SLF1: variants seen among roughly 807,000 people sequenced by gnomAD.
The protein encoded by SLF1 is SMC5/6 complex localization factor 1, also known as SMC5-SMC6 complex localization factor protein 1.
Under a neutral mutation model 123.0 loss-of-function variants are expected in SLF1, and 105 were observed. That is an observed-to-expected ratio of 0.85 (90% CI 0.73 to 1.00). The LOEUF is 1.00. Among genes scored for constraint, SLF1 ranks in the 50% least tolerant of loss-of-function variants. The pLI, the probability that SLF1 is intolerant of heterozygous loss-of-function variation, is 0.00. For missense variants in SLF1, 1,239 were observed against 1,223.0 expected (o/e 1.01, Z -0.20); for synonymous variants, 434 against 406.6 (o/e 1.07, Z -0.81).
intron 20 of SLF1, among the ~76,000 whole-genome samples, chr5:94,693,475 G>A (rs1019477952): frequency 3.3e-5 from 5 of 151,958 alleles, no homozygotes; most frequent in African/African-American, 1.2e-4. Flanking sequence ...TTTTTCTAGG[G>A]CTCTTAGTGG....
In SLF1 at chr5:94,686,581, T is replaced by G. The variant is rs751319745; in HGVS notation, c.1984T>G (p.Ser662Ala). The G allele has an allele frequency of 6.2e-7, 1 of 1,613,860 alleles. No homozygotes were observed. Among genetic ancestry groups the G allele is most frequent in the East Asian group, 2.2e-5 (1 of 44,850 alleles). Residue 662 changes from serine to alanine, a missense_variant, in exon 16 of 21, where the codon TCA (serine) becomes GCA (alanine). By Grantham distance (99) the Ser-to-Ala change is moderately conservative. Transcript: ENST00000265140. ...YVSLSCDDFS[S>A]QELEIFICSF... ...TACCTTATGTTCTCCAGACTTTTCT[T>G]CACAGGAATTAGAGATTTTCATTTG... is the stretch of plus-strand genomic sequence containing the variant.
intron 11 of SLF1, 81 bp downstream of exon 11, chr5:94,663,989 A>G: frequency 7.6e-7 from 1 of 1,323,448 alleles, no homozygotes. Context: ...TTGTATGTTT[A>G]CAGTTTATTT....
intron 4 of SLF1, among the ~76,000 whole-genome samples, chr5:94,636,300 T>G (rs897362355): frequency 1.3e-5 from 2 of 152,214 alleles, no homozygotes; most frequent in Admixed American, 6.5e-5. Context: ...CCACGATGCT[T>G]CTTGTCCCTG....
At chr5:94,671,029 G>GACTATTCATCT in intron 14 of SLF1, 21 bp downstream of exon 14, 1 of 1,457,880 alleles carries the variant, frequency 6.9e-7, no homozygotes, top group Non-Finnish European at 9.3e-7. Flanking sequence ...TTAATTTATA[G>GACTATTCATCT]ATGAATAGTC....
chr5:94,689,805 ATAGAG>A (rs772957257), intron 18 of SLF1, among the ~76,000 whole-genome samples, 199 bp downstream of exon 18: 21 of 152,282 alleles, frequency 1.4e-4, no homozygotes, highest in Admixed American at 2.6e-4. Flanking sequence ...AACCAGTATA[ATAGAG>A]TATTCTTTCC....
In SLF1 at chr5:94,653,391, C is replaced by G. The variant is rs1235079854; in HGVS notation, c.1002C>G (p.Thr334=). 14 of 1,521,426 alleles carry G rather than the reference C, an allele frequency of 9.2e-6. No homozygotes were observed. Among genetic ancestry groups the G allele is most frequent in the Non-Finnish European group, 1.1e-5 (13 of 1,138,666 alleles). 94.2% of individuals were successfully genotyped at this position (1,521,426 alleles called of 1,614,324 possible). ...TTGAACATGAAAAAATAAAAAGTACCTTAAGAAGGCACATATATAATAGAG... is the reference window on the plus strand; with the variant it reads ...TTGAACATGAAAAAATAAAAAGTACGTTAAGAAGGCACATATATAATAGAG... ...KGVEHEKIKS[T]LRRHIYNRDQ... Residue 334 remains threonine (T), a synonymous_variant, in exon 8 of 21, where the codon ACC becomes ACG. Transcript: ENST00000265140.
At chr5:94,628,412 C>T (rs1044526080) in intron 1 of SLF1, among the ~76,000 whole-genome samples, 3 of 152,258 alleles carry the variant, frequency 2.0e-5, no homozygotes, top group African/African-American at 7.2e-5. Context: ...GCTGGGATTA[C>T]AGGCGTGAGC....
At chr5:94,663,575 C>T (rs1473635134) in intron 10 of SLF1, among the ~76,000 whole-genome samples, 175 bp from the exon 11 acceptor site, 5 of 152,172 alleles carry the variant, frequency 3.3e-5, no homozygotes, top group Admixed American at 6.5e-5. Flanking sequence ...ACCTGGGAGA[C>T]GGAGGTTGCA....
intron 14 of SLF1, among the ~76,000 whole-genome samples, chr5:94,671,657 T>G (rs1272965517): frequency 1.3e-5 from 2 of 151,328 alleles, no homozygotes; most frequent in Admixed American, 6.6e-5. Context: ...TTAATTTTTT[T>G]TTTTTTTTAC....
intron 4 of SLF1, among the ~76,000 whole-genome samples, chr5:94,642,513 A>G (rs1746561139): frequency 6.6e-6 from 1 of 152,176 alleles, no homozygotes. Context: ...GTCTCTTCAT[A>G]AAAGAGCTTA....
At chr5:94,670,540 A>T (rs541879353) in intron 13 of SLF1, among the ~76,000 whole-genome samples, 1 of 151,818 alleles carries the variant, frequency 6.6e-6, no homozygotes, top group Non-Finnish European at 1.5e-5. Context: ...TTTTAAAAAA[A>T]TTCTTTAGTA....
chr5:94,669,595 GC>G lies in SLF1; in HGVS notation c.1533-554del, dbSNP rs558584512. Among the ~76,000 whole-genome samples, 45 of 152,084 alleles carry G rather than the reference GC, an allele frequency of 3.0e-4. No homozygotes were observed. In the East Asian group the frequency reaches 8.7e-3, roughly 29 times the overall value. On this transcript the variant is annotated intron_variant, in intron 12 of 20. Transcript: ENST00000265140. ...AAAATGTGGGTCCTTGGGTATACAA[GC>G]CACATTTCAAGTGTCTAGTAGAACA...
chr5:94,641,871 C>A (rs779448452), intron 4 of SLF1, among the ~76,000 whole-genome samples: 15 of 152,208 alleles, frequency 9.9e-5, no homozygotes, highest in Non-Finnish European at 1.9e-4. Flanking sequence ...GTGGCCTGGG[C>A]AAGAGGGTTT....
chr5:94,648,238 A>C (rs766468939), intron 5 of SLF1, among the ~76,000 whole-genome samples: 2 of 152,058 alleles, frequency 1.3e-5, no homozygotes, highest in Non-Finnish European at 2.9e-5. Flanking sequence ...CTTAGTTTTC[A>C]TTTTCACCTT....
chr5:94,688,473 T>C, intron 16 of SLF1, 33 bp from the exon 17 acceptor site: 2 of 1,594,666 alleles, frequency 1.3e-6, no homozygotes, highest in Non-Finnish European at 8.6e-7. Flanking sequence ...GTTTTTGTAG[T>C]TGAGAAAATA....
At chr5:94,621,096 T>C (rs1273230546) in intron 1 of SLF1, among the ~76,000 whole-genome samples, 2 of 152,250 alleles carry the variant, frequency 1.3e-5, no homozygotes, top group Non-Finnish European at 2.9e-5. Flanking sequence ...TTTTCAGTGA[T>C]ATTGCTGTTC....
In SLF1 at chr5:94,682,795, GC is replaced by G. The variant is rs1480259608; in HGVS notation, c.1976-3776del. On this transcript the variant is annotated intron_variant, in intron 15 of 20. Coordinates refer to ENST00000265140, the MANE Select transcript of SLF1 (RefSeq NM_032290.4). ...AAATTATCTGAAATTTCTTTTTTAT[GC>G]CTGATTGAAATTCCTCATGTAGTGG... Among the ~76,000 whole-genome samples, 9 of 152,042 alleles carry G rather than the reference GC, an allele frequency of 5.9e-5. No individual in the cohort carries two copies. The East Asian group carries it at 1.7e-3, about 29-fold the overall frequency.
At chr5:94,692,722 T>G (rs1169829456) in intron 20 of SLF1, among the ~76,000 whole-genome samples, 3 of 152,200 alleles carry the variant, frequency 2.0e-5, no homozygotes, top group Non-Finnish European at 4.4e-5. Context: ...AATGATATCC[T>G]AGAATATTTT....
intron 12 of SLF1, among the ~76,000 whole-genome samples, chr5:94,666,625 ATTCTTCTGGGAAGATCTT>A (rs1264673555): frequency 3.3e-5 from 5 of 151,986 alleles, no homozygotes; most frequent in African/African-American, 9.7e-5. Context: ...GATAACCCTT[ATTCTTCTGGGAAGATCTT>A]TTCTTTTTTT....
Sources: allele counts gnomAD v4.1 joint callset (sites outside exome capture counted in the v4.1 genomes callset), GRCh38; gene constraint gnomAD v4.1.1; transcripts MANE v1.5; gene names NCBI Gene and HGNC (gene_info 2026-07-23, HGNC 2026-07-21).